ZNF541: variants seen among roughly 807,000 people sequenced by gnomAD.
ZNF541 encodes zinc finger protein 541.
Under a neutral mutation model 123.5 loss-of-function variants are expected in ZNF541, and 23 were observed. The observed-to-expected ratio is 0.19, with a 90% confidence interval of 0.13 to 0.26. The LOEUF is 0.26. ZNF541 is among the 10% of genes least tolerant of loss of function. ZNF541 has a pLI of 1.00. For synonymous variants in ZNF541, 751 were observed against 754.5 expected (o/e 1.00, Z 0.08); for missense variants, 1,612 against 1,789.9 (o/e 0.90, Z 1.79).
chr19:47,555,965 A>C lies in ZNF541; in HGVS notation c.-98-11T>G. 8.6e-7 allele frequency: 1 copy of C among 1,166,778 alleles called. No homozygotes were observed. The highest frequency in any genetic ancestry group is 1.6e-5 in the African/African-American group (1 of 64,244). 72.3% of individuals were successfully genotyped at this position (1,166,778 alleles called of 1,614,324 possible). ...GATGGCAACTAATTCCTGAAAATGA[A>C]GCAAGAAGAATGAAAGTTATTAGGT... On this transcript the variant is annotated splice_polypyrimidine_tract_variant and intron_variant, in intron 2 of 16. Transcript: ENST00000391901.
At chr19:47,568,111 T>A (rs1971337364) in intron 2 of ZNF541, among the ~76,000 whole-genome samples, 1 of 152,146 alleles carries the variant, frequency 6.6e-6, no homozygotes, top group African/African-American at 2.4e-5. Flanking sequence ...GCTCTGAGCA[T>A]CCTTTTCATT....
chr19:47,556,205 C>A (rs971169778), intron 2 of ZNF541, among the ~76,000 whole-genome samples: 10 of 152,172 alleles, frequency 6.6e-5, no homozygotes, highest in African/African-American at 2.2e-4. Context: ...GTGGACTGAA[C>A]TGACCTCTTG....
intron 12 of ZNF541, among the ~76,000 whole-genome samples, chr19:47,530,367 A>C (rs1004996645): frequency 3.8e-5 from 5 of 132,670 alleles, no homozygotes; most frequent in African/African-American, 1.1e-4. Context: ...TATTTTTAGT[A>C]GAGACGGGAT....
intron 13 of ZNF541, among the ~76,000 whole-genome samples, chr19:47,529,371 G>A (rs900302808): frequency 1.3e-5 from 2 of 152,200 alleles, no homozygotes; most frequent in Non-Finnish European, 2.9e-5. Flanking sequence ...GAGTCCGTAA[G>A]GAAACCACTG....
At chr19:47,558,571 A>C (rs1970926046) in intron 2 of ZNF541, among the ~76,000 whole-genome samples, 1 of 151,970 alleles carries the variant, frequency 6.6e-6, no homozygotes, top group African/African-American at 2.4e-5. Context: ...ACAAATTACC[A>C]AAACTTACTC....
At chr19:47,559,980 G>A (rs1425692231) in intron 2 of ZNF541, among the ~76,000 whole-genome samples, 1 of 152,092 alleles carries the variant, frequency 6.6e-6, no homozygotes, top group African/African-American at 2.4e-5. Context: ...TGTTTCTGGT[G>A]TGGGTTCCCT....
At chr19:47,529,517 C>T (rs1398617658) in intron 13 of ZNF541, 60 bp downstream of exon 13, 3 of 1,518,192 alleles carry the variant, frequency 2.0e-6, no homozygotes, top group African/African-American at 2.8e-5. Context: ...TGCAACAGAG[C>T]TGGCCGATTC....
At chr19:47,570,800 T>C (rs538310584) in intron 2 of ZNF541, among the ~76,000 whole-genome samples, 40 of 151,404 alleles carry the variant, frequency 2.6e-4, no homozygotes, top group African/African-American at 9.4e-4. Context: ...AGTTTTAAAT[T>C]AGCTGGGCGT....
chr19:47,545,594 G>A lies in ZNF541; in HGVS notation c.935C>T (p.Ser312Leu). 1 of 1,546,564 alleles carries A rather than the reference G, an allele frequency of 6.5e-7. No individual in the cohort carries two copies. The highest frequency in any genetic ancestry group is 8.7e-7 in the Non-Finnish European group (1 of 1,143,686). Residue 312 changes from serine to leucine, a missense_variant, in exon 5 of 17, where the codon TCA becomes TTA. Ser to Leu is a moderately radical substitution (Grantham distance 145). Transcript: ENST00000391901. The surrounding 1 kb of genome is among the most constrained non-coding windows in gnomAD (Gnocchi z 7.5). ...GRNTACPCPA[S>L]SGSSSCTPAG... ...TGGGGTGCAGGACGAGGACCCCGAT[G>A]AGGCGGGGCAGGGACAGGCAGTGTT...
rs1220798511 is a variant in ZNF541, at chr19:47,538,198, G to T, written c.3038C>A (p.Thr1013Asn). ...GGCCTGAGTGGACGTGGAACAGAGGGTGTTGAAGTACACCCCAGAGCCCTC... is the reference window on the plus strand; with the variant it reads ...GGCCTGAGTGGACGTGGAACAGAGGTTGTTGAAGTACACCCCAGAGCCCTC... ...IREGSGVYFN[T>N]LCSTSTQASP... The change falls in exon 9 of 17, where the codon ACC becomes AAC. Residue 1013 changes from threonine to asparagine, a missense_variant. Coordinates refer to ENST00000391901, the MANE Select transcript of ZNF541 (RefSeq NM_001277075.3). 2.6e-6 allele frequency: 4 copies of T among 1,551,562 alleles called. No individual in the cohort carries two copies. Among genetic ancestry groups the T allele is most frequent in the Non-Finnish European group, 3.5e-6 (4 of 1,146,992 alleles).
intron 3 of ZNF541, among the ~76,000 whole-genome samples, chr19:47,554,635 A>C (rs1205766859): frequency 6.6e-6 from 1 of 152,204 alleles, no homozygotes; most frequent in African/African-American, 2.4e-5. Context: ...ACCGGACCCC[A>C]GTTCATTCTG....
chr19:47,555,962 T>A lies in ZNF541; in HGVS notation c.-98-8A>T. ...CTTGATGGCAACTAATTCCTGAAAA[T>A]GAAGCAAGAAGAATGAAAGTTATTA... On this transcript the variant is annotated splice_polypyrimidine_tract_variant and splice_region_variant and intron_variant, in intron 2 of 16. Coordinates refer to ENST00000391901, the MANE Select transcript of ZNF541 (RefSeq NM_001277075.3). The A allele has an allele frequency of 8.4e-7, 1 of 1,183,482 alleles. No homozygotes were observed. Among genetic ancestry groups the A allele is most frequent in the Non-Finnish European group, 1.2e-6 (1 of 856,996 alleles). The allele number at this position is 1,183,482 out of a possible 1,614,324, so 73.3% of individuals were successfully genotyped here.
In ZNF541 at chr19:47,559,590, C is replaced by A. The variant is rs145667185; in HGVS notation, c.-98-3636G>T. ...TTGATGTTTGATTACAGGCTCACGC[C>A]TGTAATCGCAGCACTTTAGGAGGCC... On this transcript the variant is annotated intron_variant, in intron 2 of 16. Transcript: ENST00000391901. Among the ~76,000 whole-genome samples, 16 of 152,208 alleles carry A rather than the reference C, an allele frequency of 1.1e-4. No homozygotes were observed. The East Asian group carries it at 3.1e-3, about 30-fold the overall frequency.
At chr19:47,563,204 C>T (rs1385878459) in intron 2 of ZNF541, among the ~76,000 whole-genome samples, 1 of 152,102 alleles carries the variant, frequency 6.6e-6, no homozygotes, top group Non-Finnish European at 1.5e-5. Flanking sequence ...ACTCTGAGAC[C>T]CAACTGAGTT....
At chr19:47,564,801 C>T (rs886782647) in intron 2 of ZNF541, among the ~76,000 whole-genome samples, 1 of 152,216 alleles carries the variant, frequency 6.6e-6, no homozygotes, top group African/African-American at 2.4e-5. Flanking sequence ...AGCAATCTCA[C>T]TCCTGGGTAT....
rs1276438971 is a variant in ZNF541 at position 47,571,957 on chromosome 19, G to A, written c.-160C>T. The stretch of plus-strand genomic sequence containing the variant: ...GGACCCAGTTTAGGCCCCACAGGGA[G>A]GGGGTTCAGGTGACAAGCAGACCAC... On this transcript the variant is annotated 5_prime_UTR_variant, in exon 2 of 17. Coordinates refer to ENST00000391901, the MANE Select transcript of ZNF541 (RefSeq NM_001277075.3). Among the ~76,000 whole-genome samples, 1 of 152,180 alleles carries A rather than the reference G, an allele frequency of 6.6e-6. No homozygotes were observed. The highest frequency in any genetic ancestry group is 2.4e-5 in the African/African-American group (1 of 41,454).
At chr19:47,572,167 G>A (rs1006520080) in intron 1 of ZNF541, among the ~76,000 whole-genome samples, 125 bp from the exon 2 acceptor site, 3 of 152,202 alleles carry the variant, frequency 2.0e-5, no homozygotes, top group Admixed American at 6.6e-5. Context: ...TATCAACAGC[G>A]GAGATTTGAG....
chr19:47,539,072 T>C (rs909903176), intron 8 of ZNF541, among the ~76,000 whole-genome samples: 14 of 152,034 alleles, frequency 9.2e-5, no homozygotes, highest in African/African-American at 3.1e-4. Flanking sequence ...CTGGGAACTC[T>C]CTGGGCTCCC....
chr19:47,563,129 G>A (rs897127355), intron 2 of ZNF541, among the ~76,000 whole-genome samples: 1 of 152,126 alleles, frequency 6.6e-6, no homozygotes, highest in South Asian at 2.1e-4. Context: ...GCCTGTCTGC[G>A]TGTATGCAGC....
Sources: allele counts gnomAD v4.1 joint callset (sites outside exome capture counted in the v4.1 genomes callset), GRCh38; gene constraint gnomAD v4.1.1; non-coding constraint Gnocchi (gnomAD v3.1); transcripts MANE v1.5; gene names NCBI Gene and HGNC (gene_info 2026-07-23, HGNC 2026-07-21).